Variants in ATRNL1 observed in about 807,000 individuals in gnomAD.
ATRNL1 encodes attractin like 1, also known as attractin-like protein 1.
A neutral mutation model predicts 182.7 loss-of-function variants in ATRNL1; 95 were observed. That is an observed-to-expected ratio of 0.52 (90% CI 0.44 to 0.62). The LOEUF (loss-of-function observed/expected upper bound fraction) is 0.62. Ranked by LOEUF, ATRNL1 falls within the 20% of genes least tolerant of loss-of-function variation. ATRNL1 has a pLI of 0.00. For synonymous variants in ATRNL1, 576 were observed against 568.3 expected, an observed-to-expected ratio of 1.01 and a Z score of -0.19; for missense variants, 1,471 against 1,679.5, an observed-to-expected ratio of 0.88 and a Z score of 2.17.
rs58808060 is a variant in ATRNL1, at chr10:115,311,189, A to ATTTT, written c.2819-4314_2819-4311dup. Among the ~76,000 whole-genome samples, 954 of 133,774 alleles carry ATTTT rather than the reference A, an allele frequency of 7.1e-3. 27 individuals carry two copies. Among genetic ancestry groups the ATTTT allele is most frequent in the Middle Eastern group, 0.024 (6 of 252 alleles). The allele number at this position is 133,774 out of a possible 152,430, so 87.8% of individuals were successfully genotyped here. ...TGAGAAGATACTTGATATGATTTAG[A>ATTTT]TTTTTTTTTTTTTTTTTTGAGACAG... On this transcript the variant is annotated intron_variant, in intron 17 of 28. Transcript: ENST00000355044.
intron 19 of ATRNL1, among the ~76,000 whole-genome samples, chr10:115,393,612 A>G (rs1420292296): frequency 6.6e-6 from 1 of 152,096 alleles, no homozygotes; most frequent in East Asian, 1.9e-4. Context: ...GTCTGTTTAG[A>G]ATGTGTTATT....
At chr10:115,767,395 C>A (rs1948883264) in intron 27 of ATRNL1, among the ~76,000 whole-genome samples, 2 of 152,110 alleles carry the variant, frequency 1.3e-5, no homozygotes, top group Admixed American at 1.3e-4. Context: ...ACTTTGCAGT[C>A]ATCTCTTGTG....
At chr10:115,507,123 C>G (rs576955315) in intron 24 of ATRNL1, among the ~76,000 whole-genome samples, 8 of 152,056 alleles carry the variant, frequency 5.3e-5, no homozygotes, top group South Asian at 2.1e-4. Context: ...GAGGGGGCTT[C>G]CAGGTTATAG....
At chr10:115,590,579 A>G (rs1251241199) in intron 26 of ATRNL1, among the ~76,000 whole-genome samples, 3 of 152,118 alleles carry the variant, frequency 2.0e-5, no homozygotes, top group East Asian at 1.9e-4. Flanking sequence ...ACTACAGTCT[A>G]TTTTATCATA....
At chr10:115,832,802 G>A (rs1950587864) in intron 27 of ATRNL1, among the ~76,000 whole-genome samples, 1 of 152,020 alleles carries the variant, frequency 6.6e-6, no homozygotes, top group Non-Finnish European at 1.5e-5. Context: ...ACCCCTTCTT[G>A]ATCCTGCATC....
chr10:115,393,322 T>C (rs75926410), intron 19 of ATRNL1, among the ~76,000 whole-genome samples: 2,466 of 152,302 alleles, frequency 0.016, 36 homozygotes, highest in Non-Finnish European at 0.022. Context: ...AGAGACTCAA[T>C]TGAACTAGCA....
rs1162576615 is a variant in ATRNL1, at chr10:115,871,469, T to TTATATATATATATATATATATA, written c.4018+23479_4018+23480insATATATATATATATATATATAT. ...TCCTAGAAAGGCCTGGTCAGATTCT[T>TTATATATATATATATATATATA]TGTGTGTGTGTATATATATATATAT... is the stretch of plus-strand genomic sequence containing the variant. On this transcript the variant is annotated intron_variant, in intron 28 of 28. Transcript: ENST00000355044. Among the ~76,000 whole-genome samples, 74 of 140,304 alleles carry TTATATATATATATATATATATA rather than the reference T, an allele frequency of 5.3e-4. 4 individuals carry two copies. Among genetic ancestry groups the TTATATATATATATATATATATA allele is most frequent in the African/African-American group, 1.6e-3 (59 of 37,842 alleles). The allele number at this position is 140,304 out of a possible 152,430, so 92.0% of individuals were successfully genotyped here. A position where few individuals can be genotyped will look rare whatever the true frequency, so the allele number is the denominator to read the frequency against.
rs576575829 is a variant in ATRNL1 at position 115,587,350 on chromosome 10, C to T, written c.3795+37814C>T. ...AGCCTTGGCAATGGCGGGCGCCCCTCCCCCAGCCTCGCTGCCGCCTTGCAG... is the reference window on the plus strand; with the variant it reads ...AGCCTTGGCAATGGCGGGCGCCCCTTCCCCAGCCTCGCTGCCGCCTTGCAG... On this transcript the variant is annotated intron_variant, in intron 26 of 28. Coordinates refer to ENST00000355044, the MANE Select transcript of ATRNL1 (RefSeq NM_207303.4). Among the ~76,000 whole-genome samples, 43 of 152,090 alleles carry T rather than the reference C, an allele frequency of 2.8e-4. 1 individual carries two copies. The highest frequency in any genetic ancestry group is 9.4e-4 in the African/African-American group (39 of 41,540).
chr10:115,265,713 C>T (rs892602280), intron 11 of ATRNL1, among the ~76,000 whole-genome samples: 4 of 151,730 alleles, frequency 2.6e-5, no homozygotes, highest in Non-Finnish European at 4.4e-5. Flanking sequence ...TGACAAGTCT[C>T]TTAACCTCTC....
chr10:115,921,086 A>G (rs138081047), intron 28 of ATRNL1, among the ~76,000 whole-genome samples: 2 of 152,264 alleles, frequency 1.3e-5, no homozygotes, highest in African/African-American at 4.8e-5. Flanking sequence ...AAGATTTTAG[A>G]AGACATTTTT....
chr10:115,716,731 A>G (rs1211730395), intron 26 of ATRNL1, among the ~76,000 whole-genome samples: 4 of 152,112 alleles, frequency 2.6e-5, no homozygotes, highest in African/African-American at 9.7e-5. Context: ...TGTCATTTCT[A>G]TTGTAGTCAG....
At chr10:115,468,355 C>G (rs1211664533) in intron 23 of ATRNL1, among the ~76,000 whole-genome samples, 1 of 150,674 alleles carries the variant, frequency 6.6e-6, no homozygotes, top group Non-Finnish European at 1.5e-5. Flanking sequence ...ATTCCCAGAC[C>G]AAATCTCAGA....
chr10:115,832,700 T>C (rs1589575456), intron 27 of ATRNL1, among the ~76,000 whole-genome samples: 2 of 152,212 alleles, frequency 1.3e-5, no homozygotes, highest in East Asian at 3.9e-4. Context: ...AAATGGCCAC[T>C]ATTATTATGT....
intron 28 of ATRNL1, among the ~76,000 whole-genome samples, chr10:115,897,747 A>T (rs1251223171): frequency 6.6e-5 from 10 of 152,198 alleles, no homozygotes; most frequent in Admixed American, 1.3e-4. Flanking sequence ...CCGGATTTTT[A>T]AACTAAAATG....
chr10:115,561,233 A>G (rs1454141237), intron 26 of ATRNL1, among the ~76,000 whole-genome samples: 1 of 152,222 alleles, frequency 6.6e-6, no homozygotes, highest in Non-Finnish European at 1.5e-5. Context: ...ACACTTTTGC[A>G]TATCATATAT....
chr10:115,564,727 T>C (rs1853969161), intron 26 of ATRNL1, among the ~76,000 whole-genome samples: 1 of 152,062 alleles, frequency 6.6e-6, no homozygotes, highest in East Asian at 1.9e-4. Flanking sequence ...CTATAGCCAA[T>C]CAGTGTTATC....
At chr10:115,624,945 A>T (rs919245353) in intron 26 of ATRNL1, among the ~76,000 whole-genome samples, 3 of 152,174 alleles carry the variant, frequency 2.0e-5, no homozygotes, top group Admixed American at 2.0e-4. Context: ...AGAAGATTTC[A>T]AATGTTTTCA....
chr10:115,398,355 TAAA>T (rs1844389372), intron 20 of ATRNL1, among the ~76,000 whole-genome samples: 2 of 152,086 alleles, frequency 1.3e-5, no homozygotes, highest in South Asian at 4.1e-4. Flanking sequence ...AATTGTAACT[TAAA>T]AATGAATTTC....
chr10:115,435,541 T>A (rs1846367338), intron 21 of ATRNL1, among the ~76,000 whole-genome samples: 1 of 152,214 alleles, frequency 6.6e-6, no homozygotes, highest in African/African-American at 2.4e-5. Context: ...TTTTGTGGTA[T>A]TCTGTTATAG....
Sources: allele counts gnomAD v4.1 joint callset (sites outside exome capture counted in the v4.1 genomes callset), GRCh38; gene constraint gnomAD v4.1.1; transcripts MANE v1.5; gene names NCBI Gene and HGNC (gene_info 2026-07-23, HGNC 2026-07-21).